PRDM16: variants seen among roughly 807,000 people sequenced by gnomAD.
The protein encoded by PRDM16 is histone-lysine N-methyltransferase PRDM16.
In PRDM16, 23 loss-of-function variants were observed where a neutral mutation model predicts 110.6. The observed-to-expected ratio is 0.21, with a 90% CI of 0.15 to 0.29. PRDM16 has a LOEUF of 0.29. Among genes scored for constraint, PRDM16 ranks in the 10% least tolerant of loss-of-function variants. The pLI is 1.00. For missense variants in PRDM16, 1,615 were observed against 1,794.3 expected (o/e 0.90, Z 1.81); for synonymous variants, 799 against 781.8 (o/e 1.02, Z -0.37).
intron 3 of PRDM16, among the ~76,000 whole-genome samples, chr1:3,252,975 C>T (rs1018761136): frequency 3.3e-5 from 5 of 152,106 alleles, no homozygotes; most frequent in African/African-American, 7.2e-5. Context: ...GCTCCGACAC[C>T]GGGCTGTCCT....
chr1:3,241,684 G>A (rs1172459053), intron 2 of PRDM16, among the ~76,000 whole-genome samples: 2 of 152,254 alleles, frequency 1.3e-5, no homozygotes, highest in Non-Finnish European at 2.9e-5. Flanking sequence ...AAGGGCCTCC[G>A]CATGGCGTGA....
At chr1:3,077,751 A>C (rs777204939) in intron 1 of PRDM16, among the ~76,000 whole-genome samples, 1 of 152,088 alleles carries the variant, frequency 6.6e-6, no homozygotes, top group Non-Finnish European at 1.5e-5. Flanking sequence ...GCAGGTGCTC[A>C]CAGGCCAGGC....
At chr1:3,362,825 G>T (rs954666484) in intron 3 of PRDM16, among the ~76,000 whole-genome samples, 1 of 152,128 alleles carries the variant, frequency 6.6e-6, no homozygotes, top group Non-Finnish European at 1.5e-5. Flanking sequence ...AGGGAGCGTC[G>T]GGGAGCCATA....
intron 3 of PRDM16, among the ~76,000 whole-genome samples, chr1:3,352,446 G>T (rs1267458949): frequency 6.6e-6 from 1 of 152,210 alleles, no homozygotes; most frequent in Non-Finnish European, 1.5e-5. Flanking sequence ...AGTGGGCTGG[G>T]GGAGGGGACA....
intron 1 of PRDM16, among the ~76,000 whole-genome samples, chr1:3,146,329 G>C (rs982439369): frequency 2.0e-5 from 3 of 152,238 alleles, no homozygotes; most frequent in Non-Finnish European, 4.4e-5. Context: ...ACTGGGCATG[G>C]GGATAATCAT....
intron 1 of PRDM16, among the ~76,000 whole-genome samples, chr1:3,129,226 G>A (rs2100679277): frequency 6.7e-6 from 1 of 150,018 alleles, no homozygotes; most frequent in South Asian, 2.1e-4. Context: ...GTGTGTCTTG[G>A]CTGGTATGTG....
intron 1 of PRDM16, among the ~76,000 whole-genome samples, chr1:3,136,306 A>G (rs1002364528): frequency 2.6e-5 from 4 of 152,218 alleles, no homozygotes; most frequent in African/African-American, 4.8e-5. Context: ...GAGGCACGCC[A>G]GGCACTGAGT....
chr1:3,337,756 C>A (rs981324156), intron 3 of PRDM16, among the ~76,000 whole-genome samples: 2 of 152,204 alleles, frequency 1.3e-5, no homozygotes, highest in Non-Finnish European at 2.9e-5. Context: ...AGAGAGCACA[C>A]GATAGAGTTC....
intron 2 of PRDM16, among the ~76,000 whole-genome samples, chr1:3,198,779 G>A (rs995875431): frequency 3.9e-5 from 6 of 152,192 alleles, no homozygotes; most frequent in Non-Finnish European, 7.3e-5. Context: ...CGGCGGAGTC[G>A]GCAGAGTTCC....
In PRDM16 at chr1:3,115,779, C is replaced by T. The variant is rs561644713; in HGVS notation, c.37+46483C>T. Among the ~76,000 whole-genome samples, 89 of 152,364 alleles carry T rather than the reference C, an allele frequency of 5.8e-4. 1 individual carries two copies. Among genetic ancestry groups the T allele is most frequent in the African/African-American group, 2.0e-3 (82 of 41,592 alleles). ...TACAGGTTGGCATCCTCGGGGTGCC[C>T]TCGGGCCGCTGGTGCCCAATGCCAG... is the stretch of plus-strand genomic sequence containing the variant. On this transcript the variant is annotated intron_variant, in intron 1 of 16. Coordinates refer to ENST00000270722, the MANE Select transcript of PRDM16 (RefSeq NM_022114.4).
intron 6 of PRDM16, among the ~76,000 whole-genome samples, chr1:3,404,241 G>GCTGTGCT (rs1643522014): frequency 1.3e-5 from 2 of 152,356 alleles, no homozygotes; most frequent in South Asian, 4.1e-4. Flanking sequence ...CCTCCGAGCA[G>GCTGTGCT]CTGTGCTCGG....
chr1:3,151,994 C>T (rs1486207191), intron 1 of PRDM16, among the ~76,000 whole-genome samples: 7 of 152,220 alleles, frequency 4.6e-5, no homozygotes, highest in Non-Finnish European at 8.8e-5. Context: ...CTGTCCTCTG[C>T]GTGGTGCTTC....
At position 3,113,328 on chromosome 1, in the gene PRDM16, G is replaced by C. The variant is rs539390552; in HGVS notation, c.37+44032G>C. Among the ~76,000 whole-genome samples the C allele has an allele frequency of 2.0e-5, 3 of 152,322 alleles. No individual in the cohort carries two copies. The South Asian group carries it at 6.2e-4, about 32-fold the overall frequency. On this transcript the variant is annotated intron_variant, in intron 1 of 16. Transcript: ENST00000270722. The stretch of plus-strand genomic sequence containing the variant: ...GGGCCCGGAGGAGACAGGACGGCTA[G>C]GGGATTGTGACCCTGGAACACAGTG...
intron 3 of PRDM16, among the ~76,000 whole-genome samples, chr1:3,356,651 C>T (rs1341762808): frequency 6.6e-6 from 1 of 152,172 alleles, no homozygotes; most frequent in African/African-American, 2.4e-5. Context: ...CTTAGCCTGC[C>T]CCAGAGCGGC....
At chr1:3,331,982 C>T (rs1284854288) in intron 3 of PRDM16, among the ~76,000 whole-genome samples, 2 of 152,252 alleles carry the variant, frequency 1.3e-5, no homozygotes, top group African/African-American at 4.8e-5. Flanking sequence ...AAAACATAGA[C>T]TCTGGCCCTG....
rs566992573 is a variant in PRDM16 at position 3,434,292 on chromosome 1, G to C, written c.*481G>C. The C allele has an allele frequency of 4.8e-4, 111 of 233,430 alleles. No homozygotes were observed. The highest frequency in any genetic ancestry group is 1.1e-3 in the Admixed American group (19 of 17,794). The allele number at this position is 233,430 out of a possible 1,614,324, so 14.5% of individuals were successfully genotyped here. On this transcript the variant is annotated 3_prime_UTR_variant, in exon 17 of 17. Transcript: ENST00000270722. ...GACTGCAGAGTCTATTTAAGCATGT[G>C]GTTTTAAAAATAGACAGTATTTTTT...
intron 3 of PRDM16, among the ~76,000 whole-genome samples, chr1:3,362,530 C>G (rs1263856320): frequency 6.6e-6 from 1 of 152,058 alleles, no homozygotes; most frequent in East Asian, 1.9e-4. Context: ...CATCGGGGTC[C>G]ACCAGGCCAG....
intron 3 of PRDM16, among the ~76,000 whole-genome samples, chr1:3,316,596 A>G (rs1255330161): frequency 6.6e-6 from 1 of 152,214 alleles, no homozygotes; most frequent in Non-Finnish European, 1.5e-5. Context: ...GACAGGAAAC[A>G]GCGACACAGT....
chr1:3,112,814 A>C (rs939225433), intron 1 of PRDM16, among the ~76,000 whole-genome samples: 2 of 152,242 alleles, frequency 1.3e-5, no homozygotes, highest in African/African-American at 2.4e-5. Flanking sequence ...GGAGTCGCTC[A>C]GGGAGGCAAA....
Sources: allele counts gnomAD v4.1 joint callset (sites outside exome capture counted in the v4.1 genomes callset), GRCh38; gene constraint gnomAD v4.1.1; transcripts MANE v1.5; gene names NCBI Gene and HGNC (gene_info 2026-07-23, HGNC 2026-07-21).